Variants in C5AR1 observed in about 807,000 individuals in gnomAD.
C5AR1 encodes C5a anaphylatoxin chemotactic receptor 1.
In C5AR1, 4 loss-of-function variants were observed where a neutral mutation model predicts 2.4. The ratio of observed to expected loss-of-function variants is 1.65; its 90% CI spans 0.81 to 3.77. C5AR1 has a LOEUF of 3.77. Ranked by LOEUF, C5AR1 falls within the 30% of genes most tolerant of loss-of-function variation. The pLI is 0.01. For missense variants in C5AR1, 418 were observed against 462.5 expected, an observed-to-expected ratio of 0.90 and a Z score of 0.88; for synonymous variants, 209 against 210.4, an observed-to-expected ratio of 0.99 and a Z score of 0.06.
At position 47,320,170 on chromosome 19, in the gene C5AR1, C is replaced by T. The variant is rs1405901002; in HGVS notation, c.393C>T (p.Ser131=). Residue 131 remains serine (S), a synonymous_variant, in exon 2 of 2, where the codon AGC becomes AGT. Coordinates refer to ENST00000355085, the MANE Select transcript of C5AR1 (RefSeq NM_001736.4). This position sits in a 1 kb window ranked among gnomAD's most constrained non-coding sequence, Gnocchi z 4.9. The part of the protein sequence containing the change: ...YASILLLATI[S]ADRFLLVFKP... The stretch of plus-strand genomic sequence containing the variant: ...GCATCCTGCTCCTGGCCACCATCAG[C>T]GCCGACCGCTTTCTGCTGGTGTTTA... 9.3e-6 allele frequency: 15 copies of T among 1,614,080 alleles called. No individual in the cohort carries two copies. The highest frequency in any genetic ancestry group is 3.3e-4 in the Middle Eastern group (2 of 6,084).
chr19:47,310,848 A>C (rs1408605356), intron 1 of C5AR1, among the ~76,000 whole-genome samples: 1 of 152,136 alleles, frequency 6.6e-6, no homozygotes, highest in African/African-American at 2.4e-5. Flanking sequence ...CCCAGGCAGG[A>C]GCAGAGATGG....
chr19:47,318,120 G>A (rs2059295881), intron 1 of C5AR1, among the ~76,000 whole-genome samples: 2 of 151,914 alleles, frequency 1.3e-5, no homozygotes, highest in Non-Finnish European at 2.9e-5. Context: ...TGGCCTTCAG[G>A]ACTGGGCTAG....
chr19:47,315,216 T>G (rs920594861), intron 1 of C5AR1, among the ~76,000 whole-genome samples: 2 of 152,138 alleles, frequency 1.3e-5, no homozygotes, highest in African/African-American at 4.8e-5. Flanking sequence ...CTGTGTAGTA[T>G]TCTGTTGCCT....
intron 1 of C5AR1, among the ~76,000 whole-genome samples, chr19:47,311,594 C>T (rs1392125681): frequency 6.6e-6 from 1 of 152,096 alleles, no homozygotes; most frequent in African/African-American, 2.4e-5. Context: ...GACAGAGTTT[C>T]ACTCTTGTCG....
intron 1 of C5AR1, among the ~76,000 whole-genome samples, chr19:47,318,881 A>ATTTT (rs34790165): frequency 7.0e-5 from 7 of 99,352 alleles, no homozygotes; most frequent in Non-Finnish European, 9.3e-5. Context: ...TTTTTGTTCT[A>ATTTT]TTTTTTTTTT....
intron 1 of C5AR1, among the ~76,000 whole-genome samples, chr19:47,318,064 G>A (rs2059295780): frequency 6.6e-6 from 1 of 151,796 alleles, no homozygotes; most frequent in Non-Finnish European, 1.5e-5. Context: ...TTTCCAGAAT[G>A]ATTTCTATTT....
At chr19:47,319,553 C>T (rs1462019252) in intron 1 of C5AR1, among the ~76,000 whole-genome samples, 2 of 151,968 alleles carry the variant, frequency 1.3e-5, no homozygotes, top group Non-Finnish European at 2.9e-5. Flanking sequence ...AAGCAGTCCG[C>T]CCGCCTCGGC....
Position 47,310,003 on chromosome 19 carries a change from C to T in C5AR1, c.3+105C>T, listed in dbSNP as rs183541639. 4,072 of 1,156,898 alleles carry T rather than the reference C, an allele frequency of 3.5e-3. 15 individuals carry two copies. Among genetic ancestry groups the T allele is most frequent in the Non-Finnish European group, 3.4e-3 (2,676 of 795,928 alleles). 71.7% of individuals were successfully genotyped at this position (1,156,898 alleles called of 1,614,324 possible). The stretch of plus-strand genomic sequence containing the variant: ...CCCCAACTCTCGCCGTCAACTCTGT[C>T]TGTCTCTCCCTTTCCTTCTCTCTCC... On this transcript the variant is annotated intron_variant, in intron 1 of 1. Transcript: ENST00000355085.
At chr19:47,318,497 T>C (rs1033888613) in intron 1 of C5AR1, among the ~76,000 whole-genome samples, 4 of 151,988 alleles carry the variant, frequency 2.6e-5, no homozygotes, top group African/African-American at 4.8e-5. Context: ...TTTCACCATG[T>C]TGGCCAGGCT....
At position 47,320,622 on chromosome 19, in the gene C5AR1, A is replaced by G; in HGVS notation, c.845A>G (p.Asp282Gly). The G allele has an allele frequency of 6.2e-7, 1 of 1,613,360 alleles. No homozygotes were observed. The highest frequency in any genetic ancestry group is 8.5e-7 in the Non-Finnish European group (1 of 1,179,872). Residue 282 changes from aspartate (D) to glycine (G), a missense_variant, in exon 2 of 2, where the codon GAC becomes GGC. Physicochemically the swap from Asp to Gly is moderately conservative, Grantham distance 94 (BLOSUM62 -1). Coordinates refer to ENST00000355085, the MANE Select transcript of C5AR1 (RefSeq NM_001736.4). The surrounding 1 kb of genome is among the most constrained non-coding windows in gnomAD (Gnocchi z 4.9). Reference sequence around the variant, plus strand: ...ACCTTCCTGCTGCTGAAGAAGCTGGACTCCCTGTGTGTCTCCTTTGCCTAC... The same window carrying G: ...ACCTTCCTGCTGCTGAAGAAGCTGGGCTCCCTGTGTGTCTCCTTTGCCTAC... ...SPTFLLLKKL[D>G]SLCVSFAYIN...
chr19:47,320,696 T>G lies in C5AR1; in HGVS notation c.919T>G (p.Phe307Val). 1 of 1,614,156 alleles carries G rather than the reference T, an allele frequency of 6.2e-7. No homozygotes were observed. The highest frequency in any genetic ancestry group is 8.5e-7 in the Non-Finnish European group (1 of 1,180,032). Reference protein sequence around the residue: ...PIIYVVAGQGFQGRLRKSLPS... With the variant: ...PIIYVVAGQGVQGRLRKSLPS... ...CATCTACGTGGTGGCCGGCCAGGGC[T>G]TCCAGGGCCGACTGCGGAAATCCCT... is the stretch of plus-strand genomic sequence containing the variant. The change falls in exon 2 of 2, where the codon TTC becomes GTC. Residue 307 changes from phenylalanine to valine, a missense_variant. By Grantham distance (50) the Phe-to-Val change is conservative. Transcript: ENST00000355085. The surrounding 1 kb of genome is among the most constrained non-coding windows in gnomAD (Gnocchi z 4.9).
At chr19:47,309,930 CTT>C in intron 1 of C5AR1, 32 bp downstream of exon 1, 1 of 1,607,822 alleles carries the variant, frequency 6.2e-7, no homozygotes, top group Non-Finnish European at 8.5e-7. Context: ...GAGCAGGAAA[CTT>C]TGTCCTGGGT....
chr19:47,317,264 T>C (rs901522674), intron 1 of C5AR1, among the ~76,000 whole-genome samples: 19 of 151,448 alleles, frequency 1.3e-4, no homozygotes, highest in African/African-American at 4.6e-4. Flanking sequence ...CCCAGCACTT[T>C]GGGAGACCAA....
chr19:47,309,022 G>A (rs2059262050), upstream of C5AR1, among the ~76,000 whole-genome samples: 1 of 152,048 alleles, frequency 6.6e-6, no homozygotes, highest in Admixed American at 6.6e-5. Flanking sequence ...TGATTCATTT[G>A]CCTCAGCCTC....
chr19:47,318,113 C>A (rs1192861995), intron 1 of C5AR1, among the ~76,000 whole-genome samples: 1 of 151,996 alleles, frequency 6.6e-6, no homozygotes, highest in Non-Finnish European at 1.5e-5. Context: ...GTCAAAGTGG[C>A]CTTCAGGACT....
intron 1 of C5AR1, among the ~76,000 whole-genome samples, chr19:47,319,233 G>A (rs1212600493): frequency 1.3e-5 from 2 of 151,672 alleles, no homozygotes; most frequent in African/African-American, 4.8e-5. Context: ...GAAGCCCAGG[G>A]GCTTCGCAGG....
intron 1 of C5AR1, among the ~76,000 whole-genome samples, chr19:47,314,292 A>G (rs555287238): frequency 3.8e-4 from 58 of 152,370 alleles, no homozygotes; most frequent in South Asian, 1.4e-3. Flanking sequence ...GTGCCGGGCA[A>G]TTAGAACCCC....
At chr19:47,309,276 A>G (rs535860932), upstream of C5AR1, among the ~76,000 whole-genome samples, 30 of 152,230 alleles carry the variant, frequency 2.0e-4, no homozygotes, top group African/African-American at 5.8e-4. Flanking sequence ...TTAGGAGGAA[A>G]GAGATAGATG....
chr19:47,319,890 T>C lies in C5AR1; in HGVS notation c.113T>C (p.Ile38Thr). Residue 38 changes from isoleucine to threonine, a missense_variant, in exon 2 of 2, where the codon ATC (isoleucine) becomes ACC (threonine). Transcript: ENST00000355085. ...TCTAACACGCTGCGTGTTCCAGACA[T>C]CCTGGCCTTGGTCATCTTTGCAGTC... The part of the protein sequence containing the change: ...KTSNTLRVPD[I>T]LALVIFAVVF... 1.2e-6 allele frequency: 2 copies of C among 1,614,244 alleles called. No individual in the cohort carries two copies. The highest frequency in any genetic ancestry group is 1.7e-6 in the Non-Finnish European group (2 of 1,180,038).
Sources: gnomAD v4.1 joint callset for allele counts (sites outside exome capture counted in the v4.1 genomes callset) on GRCh38, gnomAD v4.1.1 for gene constraint, Gnocchi (gnomAD v3.1) non-coding constraint, MANE v1.5 for transcripts, NCBI Gene and HGNC (gene_info 2026-07-23, HGNC 2026-07-21) for gene names.